PSD3: variants seen among roughly 807,000 people sequenced by gnomAD.
The protein encoded by PSD3 is PH and SEC7 domain-containing protein 3.
PSD3 carries 49 observed loss-of-function variants against 105.5 expected under a neutral mutation model. The ratio of observed to expected loss-of-function variants is 0.46; its 90% CI spans 0.37 to 0.59. The LOEUF is 0.59. Among genes scored for constraint, PSD3 ranks in the 20% least tolerant of loss-of-function variants. PSD3 has a pLI of 0.00. For missense variants in PSD3, 1,561 were observed against 1,263.8 expected, an observed-to-expected ratio of 1.24 and a Z score of -3.57; for synonymous variants, 557 against 457.8, an observed-to-expected ratio of 1.22 and a Z score of -2.77.
intron 1 of PSD3, among the ~76,000 whole-genome samples, chr8:19,062,429 T>C (rs1418568762): frequency 1.3e-5 from 2 of 152,150 alleles, no homozygotes; most frequent in Non-Finnish European, 2.9e-5. Flanking sequence ...AAACTGAAAC[T>C]CAGAAGAGTA....
At chr8:18,572,711 T>G (rs1802218376) in intron 13 of PSD3, 39 bp from the exon 14 acceptor site, 1 of 1,594,120 alleles carries the variant, frequency 6.3e-7, no homozygotes, top group Non-Finnish European at 8.6e-7. Context: ...GATATTGCCA[T>G]GTCTAAGTAG....
chr8:18,603,032 G>C (rs556341521), intron 11 of PSD3, among the ~76,000 whole-genome samples: 20 of 152,312 alleles, frequency 1.3e-4, no homozygotes, highest in African/African-American at 4.8e-4. Flanking sequence ...TGCAGCAACT[G>C]ACAGGCTTTA....
intron 15 of PSD3, among the ~76,000 whole-genome samples, chr8:18,545,941 G>C (rs1387366158): frequency 1.3e-5 from 2 of 152,168 alleles, no homozygotes; most frequent in African/African-American, 4.8e-5. Flanking sequence ...CTTCCCCAGT[G>C]ATCTCCTAAG....
chr8:19,063,771 T>C (rs1003853942), intron 1 of PSD3, among the ~76,000 whole-genome samples: 5 of 152,172 alleles, frequency 3.3e-5, no homozygotes, highest in African/African-American at 7.2e-5. Flanking sequence ...TTCCTTAGTC[T>C]TAAAATAAGA....
Position 18,572,690 on chromosome 8 carries a change from G to A in PSD3, c.2640-18C>T, listed in dbSNP as rs370699522. 2.4e-5 allele frequency: 39 copies of A among 1,611,168 alleles called. No homozygotes were observed. The highest frequency in any genetic ancestry group is 3.3e-5 in the South Asian group (3 of 90,790). ...CTGGGCTCCTATGAGAAATAGATAT[G>A]TTTATATCAGGATATTGCCATGTCT... is the stretch of plus-strand genomic sequence containing the variant. On this transcript the variant is annotated intron_variant, in intron 13 of 15. Transcript: ENST00000327040.
At chr8:18,819,930 T>C (rs1812552982) in intron 4 of PSD3, among the ~76,000 whole-genome samples, 1 of 152,220 alleles carries the variant, frequency 6.6e-6, no homozygotes, top group African/African-American at 2.4e-5. Context: ...CAGGTGGCTG[T>C]CAGACTTTTA....
intron 4 of PSD3, among the ~76,000 whole-genome samples, chr8:18,840,485 A>C (rs924494779): frequency 6.6e-6 from 1 of 151,894 alleles, no homozygotes; most frequent in Non-Finnish European, 1.5e-5. Flanking sequence ...GCATTCAGAC[A>C]AAAACGATAG....
At chr8:18,592,921 T>C (rs1310063916) in intron 12 of PSD3, among the ~76,000 whole-genome samples, 4 of 152,202 alleles carry the variant, frequency 2.6e-5, no homozygotes, top group Non-Finnish European at 5.9e-5. Context: ...GCTAGCCATA[T>C]GTAGAAAGCT....
intron 11 of PSD3, among the ~76,000 whole-genome samples, chr8:18,627,322 C>T (rs71510613): frequency 0.14 from 21,151 of 151,746 alleles, 1,692 homozygotes; most frequent in Middle Eastern, 0.33. Flanking sequence ...TGTAGAGCTG[C>T]GTAAAACAGA....
intron 15 of PSD3, among the ~76,000 whole-genome samples, chr8:18,553,861 G>A (rs1281236567): frequency 6.6e-6 from 1 of 152,150 alleles, no homozygotes. Context: ...CTTTCTGATA[G>A]ACACAGGTGA....
rs188910777 is a variant in PSD3 at position 18,684,887 on chromosome 8, G to A, written c.2173-29202C>T. On this transcript the variant is annotated intron_variant, in intron 9 of 15. Transcript: ENST00000327040. ...CAGCAATGTGCAAGCCTCTGAGTACGAATCACAAACTGGAGATTACTAGAA... is the reference window on the plus strand; with the variant it reads ...CAGCAATGTGCAAGCCTCTGAGTACAAATCACAAACTGGAGATTACTAGAA... 1.6e-3 allele frequency among the ~76,000 whole-genome samples: 239 copies of A among 152,272 alleles called. 1 individual carries two copies. The highest frequency in any genetic ancestry group is 5.5e-3 in the African/African-American group (229 of 41,574).
chr8:18,777,189 T>G (rs1808185497), intron 8 of PSD3, among the ~76,000 whole-genome samples: 1 of 151,946 alleles, frequency 6.6e-6, no homozygotes, highest in African/African-American at 2.4e-5. Context: ...ACTACAGGCA[T>G]GCACCACCAC....
At chr8:18,852,172 A>T (rs1168425792) in intron 4 of PSD3, among the ~76,000 whole-genome samples, 1 of 152,196 alleles carries the variant, frequency 6.6e-6, no homozygotes. Flanking sequence ...AAAAGTCTTT[A>T]GTACTTAATT....
At chr8:18,712,882 C>T (rs1007550082) in intron 9 of PSD3, among the ~76,000 whole-genome samples, 11 of 152,192 alleles carry the variant, frequency 7.2e-5, no homozygotes, top group African/African-American at 2.6e-4. Flanking sequence ...TGCAAAAATC[C>T]TCAATAAATG....
intron 4 of PSD3, among the ~76,000 whole-genome samples, chr8:18,853,728 C>T (rs889081144): frequency 2.0e-5 from 3 of 152,152 alleles, no homozygotes; most frequent in African/African-American, 7.2e-5. Flanking sequence ...GACCCCACTA[C>T]ATGACTAAGC....
At chr8:18,730,925 C>G (rs1235784404) in intron 9 of PSD3, among the ~76,000 whole-genome samples, 1 of 152,074 alleles carries the variant, frequency 6.6e-6, no homozygotes, top group Non-Finnish European at 1.5e-5. Context: ...TCACATGTAC[C>G]TAGCTAAGGT....
intron 11 of PSD3, among the ~76,000 whole-genome samples, chr8:18,604,917 G>T (rs1455735921): frequency 6.6e-6 from 1 of 152,216 alleles, no homozygotes; most frequent in Non-Finnish European, 1.5e-5. Context: ...TGAGGCCTGG[G>T]AGTCTCCACC....
intron 3 of PSD3, among the ~76,000 whole-genome samples, chr8:18,869,485 G>A (rs763747879): frequency 5.3e-5 from 8 of 152,074 alleles, no homozygotes; most frequent in Non-Finnish European, 1.5e-5. Flanking sequence ...AGCCTCCCCT[G>A]CTCTTCAGGC....
At chr8:18,993,046 T>A (rs1370480623) in intron 1 of PSD3, among the ~76,000 whole-genome samples, 1 of 152,174 alleles carries the variant, frequency 6.6e-6, no homozygotes, top group Non-Finnish European at 1.5e-5. Context: ...ATCTTCCAAA[T>A]GCAATAATTT....
Sources: allele counts gnomAD v4.1 joint callset (sites outside exome capture counted in the v4.1 genomes callset), GRCh38; gene constraint gnomAD v4.1.1; transcripts MANE v1.5; gene names NCBI Gene and HGNC (gene_info 2026-07-23, HGNC 2026-07-21).